Variants in COBL observed in about 807,000 individuals in gnomAD.
COBL encodes cordon-bleu WH2 repeat protein.
In COBL, 51 loss-of-function variants were observed where a neutral mutation model predicts 98.8. The ratio of observed to expected loss-of-function variants is 0.52; its 90% confidence interval spans 0.41 to 0.65. COBL has a LOEUF of 0.65. Among genes scored for constraint, COBL ranks in the 30% least tolerant of loss-of-function variants. The probability of loss-of-function intolerance (pLI) is 0.00; values close to 1 mark genes in which losing one functional copy is unlikely to be tolerated. For missense variants in COBL, 1,617 were observed against 1,617.5 expected, an observed-to-expected ratio of 1.00 and a Z score of 0.01; for synonymous variants, 634 against 651.7, an observed-to-expected ratio of 0.97 and a Z score of 0.41.
At chr7:51,223,325 T>C (rs899305269) in intron 1 of COBL, among the ~76,000 whole-genome samples, 4 of 152,246 alleles carry the variant, frequency 2.6e-5, no homozygotes, top group African/African-American at 9.6e-5. Flanking sequence ...AATTGTAATA[T>C]GTCACACTAA....
rs139783292 is a variant in COBL, at chr7:51,028,242, C to G, written c.2854G>C (p.Gly952Arg). The G allele has an allele frequency of 5.2e-4, 846 of 1,613,982 alleles. No individual in the cohort carries two copies. The highest frequency in any genetic ancestry group is 6.3e-4 in the Non-Finnish European group (744 of 1,179,900). ...EDLAVGAPPRGEVIGPHRKLS... is the reference protein window; with the variant it reads ...EDLAVGAPPRREVIGPHRKLS... ...TTCCTGTGTGGGCCAATGACCTCCC[C>G]CCTAGGAGGGGCTCCCACTGCCAAA... is the stretch of plus-strand genomic sequence containing the variant. The change falls in exon 10 of 13, where the codon GGG becomes CGG. Residue 952 changes from glycine (G) to arginine (R), a missense_variant. This residue lies in a region of COBL where 1,304 missense variants were observed against 1,282.0 expected (regional missense o/e 1.02). Transcript: ENST00000265136.
intron 7 of COBL, among the ~76,000 whole-genome samples, chr7:51,059,493 G>T (rs1360357008): frequency 6.6e-6 from 1 of 152,160 alleles, no homozygotes; most frequent in Admixed American, 6.5e-5. Context: ...ATTATGTGGG[G>T]GCTGCAGAAA....
intron 1 of COBL, among the ~76,000 whole-genome samples, chr7:51,294,406 G>A (rs1166501732): frequency 1.3e-5 from 2 of 151,662 alleles, no homozygotes; most frequent in Non-Finnish European, 2.9e-5. Context: ...GCCAAGGCAG[G>A]TGGATCACCT....
chr7:51,182,642 G>C (rs538546051), intron 5 of COBL, among the ~76,000 whole-genome samples: 3 of 103,828 alleles, frequency 2.9e-5, no homozygotes, highest in Admixed American at 2.0e-4. Flanking sequence ...AGGAGAGGAG[G>C]AGGGAGAGTA....
At chr7:51,109,875 C>T (rs1437579506) in intron 6 of COBL, among the ~76,000 whole-genome samples, 2 of 152,092 alleles carry the variant, frequency 1.3e-5, no homozygotes, top group South Asian at 2.1e-4. Context: ...GAGGATGGAG[C>T]GCTGAGGCAG....
intron 5 of COBL, among the ~76,000 whole-genome samples, chr7:51,150,373 A>C (rs955319471): frequency 3.9e-5 from 6 of 152,186 alleles, no homozygotes; most frequent in African/African-American, 1.4e-4. Flanking sequence ...GTCACTCGGC[A>C]TGCCTCTCAT....
rs574832958 is a variant in COBL, at chr7:51,091,998, G to A, written c.958-6694C>T. Among the ~76,000 whole-genome samples, 114 of 152,256 alleles carry A rather than the reference G, an allele frequency of 7.5e-4. 1 individual carries two copies. The highest frequency in any genetic ancestry group is 1.3e-3 in the African/African-American group (53 of 41,538). ...CTGGGCCACAGACCAGTACCAATTC[G>A]TGGCTTGATAGGAACCAAGCTGCAC... On this transcript the variant is annotated intron_variant, in intron 6 of 12. Coordinates refer to ENST00000265136, the MANE Select transcript of COBL (RefSeq NM_015198.5).
At chr7:51,145,945 C>A (rs929649234) in intron 5 of COBL, among the ~76,000 whole-genome samples, 2 of 152,092 alleles carry the variant, frequency 1.3e-5, no homozygotes, top group Non-Finnish European at 2.9e-5. Context: ...GTTTGGGAAT[C>A]AAGAGTGGGC....
Position 51,028,927 on chromosome 7 carries a change from A to C in COBL, c.2169T>G (p.Asp723Glu). ...TAATGGCTCCGGTGGAGAGGGACAC[A>C]TCTCTGTCGTAACATCGCATCTCTG... ...PKSEMRCYDR[D>E]VSLSTGAIKI... Residue 723 changes from aspartate (D) to glutamate (E), a missense_variant, in exon 10 of 13, where the codon GAT becomes GAG. Asp to Glu is a conservative substitution (Grantham distance 45). Coordinates refer to ENST00000265136, the MANE Select transcript of COBL (RefSeq NM_015198.5). 2.5e-6 allele frequency: 4 copies of C among 1,614,156 alleles called. No homozygotes were observed. The East Asian group carries it at 8.9e-5, about 36-fold the overall frequency.
At chr7:51,237,685 T>G (rs1261993666) in intron 1 of COBL, among the ~76,000 whole-genome samples, 1 of 152,158 alleles carries the variant, frequency 6.6e-6, no homozygotes, top group Non-Finnish European at 1.5e-5. Flanking sequence ...CATGCTAGGG[T>G]GCCTTGGGCC....
chr7:51,192,642 T>G (rs905939763), intron 3 of COBL, among the ~76,000 whole-genome samples: 2 of 152,160 alleles, frequency 1.3e-5, no homozygotes, highest in Non-Finnish European at 2.9e-5. Context: ...AAGTATATAA[T>G]AAGCTACTAG....
chr7:51,149,290 C>T (rs568313081), intron 5 of COBL, among the ~76,000 whole-genome samples: 6 of 152,284 alleles, frequency 3.9e-5, no homozygotes, highest in South Asian at 2.1e-4. Flanking sequence ...CAGGAACTGG[C>T]GTCTGTGGTG....
chr7:51,019,740 A>G (rs921091104), intron 12 of COBL, among the ~76,000 whole-genome samples: 1 of 152,224 alleles, frequency 6.6e-6, no homozygotes, highest in Non-Finnish European at 1.5e-5. Flanking sequence ...TAGGCCTCAG[A>G]ACAATTTCAC....
chr7:51,070,426 A>ACACACACACACACACACACACACAC (rs1486385446), intron 7 of COBL, among the ~76,000 whole-genome samples: 1 of 51,974 alleles, frequency 1.9e-5, no homozygotes, highest in Non-Finnish European at 5.0e-5. Context: ...CACACACACA[A>ACACACACACACACACACACACACAC]AATTCCGAGA....
chr7:51,068,048 C>G (rs759044824), intron 7 of COBL, among the ~76,000 whole-genome samples: 23 of 152,208 alleles, frequency 1.5e-4, no homozygotes, highest in Non-Finnish European at 2.9e-4. Context: ...GGCAGCTGGG[C>G]TCCTGACTAG....
At chr7:51,247,323 G>A (rs1307081943) in intron 1 of COBL, among the ~76,000 whole-genome samples, 2 of 152,168 alleles carry the variant, frequency 1.3e-5, no homozygotes, top group South Asian at 2.1e-4. Context: ...CCCACAGCCA[G>A]TGGAATCATG....
chr7:51,073,340 C>T (rs1193376738), intron 7 of COBL: 4 of 696,902 alleles, frequency 5.7e-6, no homozygotes, highest in African/African-American at 3.5e-5. Context: ...GAGGCCCGTC[C>T]ATCAGAAGCG....
intron 1 of COBL, among the ~76,000 whole-genome samples, chr7:51,277,485 C>A (rs4948213): frequency 0.55 from 83,875 of 152,034 alleles, 23,576 homozygotes; most frequent in African/African-American, 0.66. Flanking sequence ...TAAAAATTGA[C>A]GACAGGACTG....
chr7:51,238,482 C>A (rs1010601457), intron 1 of COBL, among the ~76,000 whole-genome samples: 10 of 152,142 alleles, frequency 6.6e-5, no homozygotes, highest in African/African-American at 2.4e-4. Context: ...CCGGGTAGAG[C>A]AGTTGTAACT....
Sources: gnomAD v4.1 joint callset for allele counts (sites outside exome capture counted in the v4.1 genomes callset) on GRCh38, gnomAD v4.1.1 for gene constraint, gnomAD v4.1.1 regional missense constraint, MANE v1.5 for transcripts, NCBI Gene and HGNC (gene_info 2026-07-23, HGNC 2026-07-21) for gene names.